The following LRRK2 variants were observed in gnomAD, a reference collection of about 807,000 sequenced individuals.
LRRK2 encodes the protein leucine-rich repeat serine/threonine-protein kinase 2.
Under a neutral mutation model 302.6 loss-of-function variants are expected in LRRK2, and 203 were observed. The observed-to-expected ratio is 0.67, with a 90% CI of 0.60 to 0.75. The LOEUF (loss-of-function observed/expected upper bound fraction) is 0.75, where lower values mean the gene tolerates loss of function less well. Among genes scored for constraint, LRRK2 ranks in the 30% least tolerant of loss-of-function variants. The pLI is 0.00. For synonymous variants in LRRK2, 1,066 were observed against 1,031.9 expected (o/e 1.03, Z -0.63); for missense variants, 2,830 against 2,951.0 (o/e 0.96, Z 0.95).
At chr12:40,353,971 G>A (rs530848685) in intron 44 of LRRK2, among the ~76,000 whole-genome samples, 60 of 152,306 alleles carry the variant, frequency 3.9e-4, no homozygotes, top group African/African-American at 1.3e-3. Flanking sequence ...GAGGGAGACG[G>A]TGGAAAGAGA....
At chr12:40,229,811 G>A (rs1941082926) in intron 2 of LRRK2, among the ~76,000 whole-genome samples, 1 of 152,194 alleles carries the variant, frequency 6.6e-6, no homozygotes. Context: ...AATCACAGAA[G>A]TTCCATGTAG....
Position 40,348,452 on chromosome 12 carries a change from G to A in LRRK2, c.6324G>A (p.Glu2108=), listed in dbSNP as rs10878405. Residue 2108 remains glutamate, a synonymous_variant, in exon 43 of 51, where the codon GAG becomes GAA. Coordinates refer to ENST00000298910, the MANE Select transcript of LRRK2 (RefSeq NM_198578.4). ...GTTGTGCCCCATGGCCTATGGTTGA[G>A]AAATTAATTAAACAGTGTTTGAAAG... ...EYGCAPWPMV[E]KLIKQCLKEN... is the part of the protein sequence containing the mutation. 0.31 allele frequency: 497,320 copies of A among 1,607,610 alleles called. 80,025 individuals carry two copies. Among genetic ancestry groups the A allele is most frequent in the South Asian group, 0.36 (32,731 of 90,888 alleles).
intron 34 of LRRK2, among the ~76,000 whole-genome samples, chr12:40,320,383 T>C (rs777904725): frequency 2.0e-5 from 3 of 152,088 alleles, no homozygotes; most frequent in Non-Finnish European, 4.4e-5. Flanking sequence ...ACTTACTTTA[T>C]GTGTATAGTT....
chr12:40,298,992 T>G (rs1219417727), intron 24 of LRRK2, 117 bp from the exon 25 acceptor site: 1 of 905,126 alleles, frequency 1.1e-6, no homozygotes, highest in Non-Finnish European at 1.6e-6. Flanking sequence ...ACAACTAATT[T>G]TTAAATTAAT....
At position 40,287,278 on chromosome 12, in the gene LRRK2, A is replaced by G. The variant is rs17491006; in HGVS notation, c.2501-73A>G. 78 of 1,331,566 alleles carry G rather than the reference A, an allele frequency of 5.9e-5. No individual in the cohort carries two copies. The African/African-American group carries it at 7.8e-4, about 13-fold the overall frequency. 82.5% of individuals were successfully genotyped at this position (1,331,566 alleles called of 1,614,324 possible). ...TCCAGAAGCATAGCAATACGTAAGAACTTTGGTCCTATGTATGTTTATTTT... is the reference window on the plus strand; with the variant it reads ...TCCAGAAGCATAGCAATACGTAAGAGCTTTGGTCCTATGTATGTTTATTTT... On this transcript the variant is annotated intron_variant, in intron 19 of 50. Coordinates refer to ENST00000298910, the MANE Select transcript of LRRK2 (RefSeq NM_198578.4).
At chr12:40,253,185 A>G (rs1269993916) in intron 11 of LRRK2, among the ~76,000 whole-genome samples, 169 bp downstream of exon 11, 4 of 152,214 alleles carry the variant, frequency 2.6e-5, no homozygotes, top group African/African-American at 9.6e-5. Flanking sequence ...ATATATAGGT[A>G]AAAGGATGAA....
chr12:40,343,313 G>T (rs10784518), intron 41 of LRRK2, among the ~76,000 whole-genome samples: 116,857 of 152,104 alleles, frequency 0.77, 45,731 homozygotes, highest in Non-Finnish European at 0.86. Context: ...GTTAATTCTG[G>T]GTCCTATGGC....
Position 40,335,113 on chromosome 12 carries a change from A to T in LRRK2, c.5904A>T (p.Arg1968Ser). ...AGCAGGACAAAGCCAGCCTCACTAG[A>T]ACCCTACAGCACAGGATTGCACTCC... ...LLQQDKASLT[R>S]TLQHRIALHV... Residue 1968 changes from arginine to serine, a missense_variant, in exon 40 of 51, where the codon AGA becomes AGT. Physicochemically the swap from Arg to Ser is moderately radical, Grantham distance 110. This residue lies in a region of LRRK2 where 253 missense variants were observed against 346.7 expected (regional missense o/e 0.73). Transcript: ENST00000298910. 3 of 1,614,068 alleles carry T rather than the reference A, an allele frequency of 1.9e-6. No homozygotes were observed. Among genetic ancestry groups the T allele is most frequent in the Non-Finnish European group, 1.7e-6 (2 of 1,179,992 alleles).
chr12:40,281,025 G>A (rs1308412973), intron 18 of LRRK2, among the ~76,000 whole-genome samples: 3 of 148,354 alleles, frequency 2.0e-5, no homozygotes, highest in Admixed American at 6.7e-5. Flanking sequence ...CCTAGATCGC[G>A]CCACTGCACT....
Position 40,359,453 on chromosome 12 carries a change from T to G in LRRK2, c.7028+9T>G, listed in dbSNP as rs1180890652. 1.2e-6 allele frequency: 2 copies of G among 1,609,910 alleles called. No individual in the cohort carries two copies. The highest frequency in any genetic ancestry group is 2.7e-5 in the African/African-American group (2 of 74,944). ...ACAAGAACAAGCCAACTGTAAGTTATTTTTTATCTGTACAAGTAATTTATC... is the reference window on the plus strand; with the variant it reads ...ACAAGAACAAGCCAACTGTAAGTTAGTTTTTATCTGTACAAGTAATTTATC... On this transcript the variant is annotated intron_variant, in intron 47 of 50. Transcript: ENST00000298910.
intron 41 of LRRK2, among the ~76,000 whole-genome samples, chr12:40,343,172 A>G (rs1444973278): frequency 1.3e-5 from 2 of 152,214 alleles, no homozygotes; most frequent in Non-Finnish European, 2.9e-5. Flanking sequence ...GACAGGGACC[A>G]TGGTGCTGTG....
At position 40,321,176 on chromosome 12, in the gene LRRK2, C is replaced by A. The variant is rs1223991473; in HGVS notation, c.5158C>A (p.Leu1720Ile). ...ATTACTTGAGATTTCACCTTACATG[C>A]TTTCAGGGAGAGGTAAGTATCTAAT... ...NRLLEISPYM[L>I]SGRERALRPN... The change falls in exon 35 of 51, where the codon CTT (leucine) becomes ATT (isoleucine). Residue 1720 changes from leucine (L) to isoleucine (I), a missense_variant. Physicochemically the swap from Leu to Ile is conservative, Grantham distance 5. This residue lies in a region of LRRK2 where 2,121 missense variants were observed against 2,148.0 expected (regional missense o/e 0.99). Transcript: ENST00000298910. 6.2e-7 allele frequency: 1 copy of A among 1,611,800 alleles called. No homozygotes were observed. The highest frequency in any genetic ancestry group is 1.7e-5 in the Admixed American group (1 of 59,946).
At chr12:40,327,395 C>T in intron 38 of LRRK2, among the ~76,000 whole-genome samples, 1 of 152,182 alleles carries the variant, frequency 6.6e-6, no homozygotes, top group East Asian at 1.9e-4. Context: ...ATGACCATTT[C>T]CTCCTGGGAC....
At position 40,259,612 on chromosome 12, in the gene LRRK2, A is replaced by G; in HGVS notation, c.1543+8A>G. 1 of 1,612,898 alleles carries G rather than the reference A, an allele frequency of 6.2e-7. No homozygotes were observed. Among genetic ancestry groups the G allele is most frequent in the Non-Finnish European group, 8.5e-7 (1 of 1,179,098 alleles). On this transcript the variant is annotated splice_region_variant and intron_variant, in intron 13 of 50. Transcript: ENST00000298910. ...TACATTTTATAGTGCCTGGTAAGTT[A>G]CATAGTTGATTGTGGGAAGAGATAA... is the stretch of plus-strand genomic sequence containing the variant.
intron 47 of LRRK2, among the ~76,000 whole-genome samples, chr12:40,362,588 T>A (rs1179909930): frequency 6.6e-6 from 1 of 151,984 alleles, no homozygotes; most frequent in Non-Finnish European, 1.5e-5. Flanking sequence ...TTTAATAAGG[T>A]CTATAATATG....
chr12:40,243,724 A>G, intron 7 of LRRK2, 43 bp downstream of exon 7: 3 of 1,549,412 alleles, frequency 1.9e-6, no homozygotes, highest in Non-Finnish European at 2.7e-6. Flanking sequence ...TGTATGATAT[A>G]CATATACATA....
intron 39 of LRRK2, among the ~76,000 whole-genome samples, chr12:40,334,684 G>A (rs1048763754): frequency 6.6e-6 from 1 of 152,130 alleles, no homozygotes; most frequent in African/African-American, 2.4e-5. Flanking sequence ...TAGAGGAAAG[G>A]TTGGTCTTGC....
intron 18 of LRRK2, among the ~76,000 whole-genome samples, chr12:40,280,788 CG>C (rs1943658675): frequency 6.6e-6 from 1 of 151,582 alleles, no homozygotes; most frequent in African/African-American, 2.4e-5. Context: ...ACCAACCGGT[CG>C]GGTGCGGTGG....
At chr12:40,352,715 C>T (rs1013155060) in intron 44 of LRRK2, among the ~76,000 whole-genome samples, 6 of 150,254 alleles carry the variant, frequency 4.0e-5, no homozygotes, top group East Asian at 3.9e-4. Flanking sequence ...CATCTTGCAC[C>T]GCCCTTAATC....
Sources: allele counts gnomAD v4.1 joint callset (sites outside exome capture counted in the v4.1 genomes callset), GRCh38; gene constraint gnomAD v4.1.1; regional missense constraint gnomAD v4.1.1; transcripts MANE v1.5; gene names NCBI Gene and HGNC (gene_info 2026-07-23, HGNC 2026-07-21).